Variants in PGCKA1 observed in about 807,000 individuals in gnomAD.
The protein encoded by PGCKA1 is PDCD10 and GCKIII kinases-associated protein 1.
chr4:37,583,843 T>G, the PGCKA1 span, among the ~76,000 whole-genome samples: 1 of 152,190 alleles, frequency 6.6e-6, no homozygotes, highest in African/African-American at 2.4e-5. Flanking sequence ...GCCTGTTGCT[T>G]TTTTATGCTC....
At chr4:37,456,240 G>A in the PGCKA1 span, among the ~76,000 whole-genome samples, 69 of 152,120 alleles carry the variant, frequency 4.5e-4, no homozygotes, top group Non-Finnish European at 7.9e-4. Context: ...CTTAACCATT[G>A]AGCCATCCTG....
chr4:37,482,045 A>G, the PGCKA1 span, among the ~76,000 whole-genome samples: 1 of 152,220 alleles, frequency 6.6e-6, no homozygotes, highest in Admixed American at 6.5e-5. Flanking sequence ...TTCCCCAGCC[A>G]AGCTGAACTG....
At chr4:37,577,554 C>A in the PGCKA1 span, among the ~76,000 whole-genome samples, 1 of 151,698 alleles carries the variant, frequency 6.6e-6, no homozygotes, top group African/African-American at 2.4e-5. Flanking sequence ...TTCTTCATTT[C>A]AACTTCATTT....
chr4:37,551,406 C>T, the PGCKA1 span, among the ~76,000 whole-genome samples: 1 of 152,148 alleles, frequency 6.6e-6, no homozygotes, highest in Non-Finnish European at 1.5e-5. Flanking sequence ...TACTGGACCC[C>T]CAATTACATG....
the PGCKA1 span, among the ~76,000 whole-genome samples, chr4:37,586,027 A>C: frequency 4.6e-5 from 7 of 151,436 alleles, no homozygotes; most frequent in African/African-American, 1.7e-4. Context: ...CTAGACCTCC[A>C]TCTTTTTCTT....
the PGCKA1 span, among the ~76,000 whole-genome samples, chr4:37,526,751 T>C: frequency 6.6e-6 from 1 of 152,208 alleles, no homozygotes; most frequent in African/African-American, 2.4e-5. Flanking sequence ...GTATAGCACA[T>C]ACAATCATGT....
chr4:37,535,341 T>C, the PGCKA1 span, among the ~76,000 whole-genome samples: 1 of 152,174 alleles, frequency 6.6e-6, no homozygotes, highest in Admixed American at 6.5e-5. Context: ...TGAGCTATGG[T>C]CCCATCACTG....
chr4:37,511,375 T>C, the PGCKA1 span, among the ~76,000 whole-genome samples: 5 of 152,122 alleles, frequency 3.3e-5, no homozygotes, highest in African/African-American at 1.2e-4. Context: ...TGGGTACCAC[T>C]GCTGGTTCTT....
chr4:37,484,172 T>C, the PGCKA1 span, among the ~76,000 whole-genome samples: 1 of 152,166 alleles, frequency 6.6e-6, no homozygotes, highest in African/African-American at 2.4e-5. Flanking sequence ...ATTTACATGC[T>C]GCTGATAAAG....
the PGCKA1 span, among the ~76,000 whole-genome samples, chr4:37,453,694 GTT>G: frequency 0.22 from 33,254 of 151,930 alleles, 3,985 homozygotes; most frequent in East Asian, 0.54. Flanking sequence ...TGGCGCGGTC[GTT>G]TGTGCTCAGA....
the PGCKA1 span, among the ~76,000 whole-genome samples, chr4:37,487,418 A>G: frequency 2.6e-5 from 4 of 152,192 alleles, no homozygotes; most frequent in African/African-American, 9.7e-5. Flanking sequence ...TGCAAACATC[A>G]GTTCATTTCA....
At chr4:37,462,129 A>G in the PGCKA1 span, among the ~76,000 whole-genome samples, 2 of 150,684 alleles carry the variant, frequency 1.3e-5, no homozygotes, top group South Asian at 4.1e-4. Flanking sequence ...AGGTAATTCA[A>G]ACATTTAAAT....
At chr4:37,475,322 A>G in the PGCKA1 span, among the ~76,000 whole-genome samples, 1 of 152,100 alleles carries the variant, frequency 6.6e-6, no homozygotes, top group Admixed American at 6.6e-5. Flanking sequence ...CAACCCCAGC[A>G]CAAAATTAAT....
the PGCKA1 span, among the ~76,000 whole-genome samples, chr4:37,569,205 A>T: frequency 6.6e-6 from 1 of 151,630 alleles, no homozygotes; most frequent in East Asian, 1.9e-4. Context: ...ATTTTATTTT[A>T]TTTTATTTTG....
chr4:37,576,865 A>G, the PGCKA1 span, among the ~76,000 whole-genome samples: 22 of 152,226 alleles, frequency 1.4e-4, no homozygotes, highest in African/African-American at 5.1e-4. Context: ...TTCTGTTGAT[A>G]TGATATATCA....
At chr4:37,592,470 A>G in the PGCKA1 span, among the ~76,000 whole-genome samples, 1 of 152,172 alleles carries the variant, frequency 6.6e-6, no homozygotes, top group Admixed American at 6.5e-5. Context: ...CCATAACTAA[A>G]TGTCCTGATC....
At chr4:37,463,126 G>A in the PGCKA1 span, among the ~76,000 whole-genome samples, 1 of 152,116 alleles carries the variant, frequency 6.6e-6, no homozygotes, top group African/African-American at 2.4e-5. Flanking sequence ...TTGTAGGGCT[G>A]GGACCCATGT....
At chr4:37,463,724 G>T in the PGCKA1 span, among the ~76,000 whole-genome samples, 1 of 151,648 alleles carries the variant, frequency 6.6e-6, no homozygotes, top group South Asian at 2.1e-4. Flanking sequence ...GGGAGCTAGA[G>T]AGTTGTTTTC....
chr4:37,586,321 C>T, the PGCKA1 span, among the ~76,000 whole-genome samples: 1 of 152,146 alleles, frequency 6.6e-6, no homozygotes, highest in South Asian at 2.1e-4. Flanking sequence ...ATAGTGCTCT[C>T]GTTTTTAATC....
Sources: allele counts gnomAD v4.1 joint callset (sites outside exome capture counted in the v4.1 genomes callset), GRCh38; gene constraint gnomAD v4.1.1; transcripts MANE v1.5; gene names NCBI Gene and HGNC (gene_info 2026-07-23, HGNC 2026-07-21).